Variants in B3GALNT2 observed in about 807,000 individuals in gnomAD.
The protein encoded by B3GALNT2 is UDP-GalNAc:beta-1,3-N-acetylgalactosaminyltransferase 2.
In B3GALNT2, 53 loss-of-function variants were observed where a neutral mutation model predicts 61.1. The ratio of observed to expected loss-of-function variants is 0.87; its 90% CI spans 0.70 to 1.09. The LOEUF (loss-of-function observed/expected upper bound fraction) is 1.09. Ranked by LOEUF, B3GALNT2 falls within the 50% of genes least tolerant of loss-of-function variation. The probability of loss-of-function intolerance (pLI) is 0.00; values close to 1 mark genes in which losing one functional copy is unlikely to be tolerated. For synonymous variants in B3GALNT2, 223 were observed against 237.4 expected (o/e 0.94, Z 0.56); for missense variants, 544 against 623.0 (o/e 0.87, Z 1.35).
rs114483629 is a variant in B3GALNT2 at position 235,470,524 on chromosome 1, G to A, written c.762+326C>T. ...AGCCAGGAGGTGGAGGCTGCAGTGAGCTGTGATCGTGCTAGTGCACCCCAG... is the reference window on the plus strand; with the variant it reads ...AGCCAGGAGGTGGAGGCTGCAGTGAACTGTGATCGTGCTAGTGCACCCCAG... On this transcript the variant is annotated intron_variant, in intron 6 of 11. Coordinates refer to ENST00000366600, the MANE Select transcript of B3GALNT2 (RefSeq NM_152490.5). Among the ~76,000 whole-genome samples the A allele has an allele frequency of 5.8e-3, 856 of 147,678 alleles. 8 individuals carry two copies. The highest frequency in any genetic ancestry group is 0.021 in the African/African-American group (826 of 39,604).
intron 5 of B3GALNT2, 110 bp downstream of exon 5, chr1:235,479,944 T>C: frequency 4.0e-6 from 6 of 1,492,950 alleles, no homozygotes; most frequent in Non-Finnish European, 4.5e-6. Flanking sequence ...TCTATCACTC[T>C]GGAGTGCTGC....
Position 235,489,200 on chromosome 1 carries a change from T to C in B3GALNT2, c.329A>G (p.Tyr110Cys). Residue 110 changes from tyrosine to cysteine, a missense_variant, in exon 3 of 12, where the codon TAT becomes TGT. Transcript: ENST00000366600. Reference sequence around the variant, plus strand: ...TGTGATGTTGAGTAGTTTACAGGAATAAGGATCCTCCCTGTCTTCCACAGG... The same window carrying C: ...TGTGATGTTGAGTAGTTTACAGGAACAAGGATCCTCCCTGTCTTCCACAGG... Reference protein sequence around the residue: ...EVPVEDREDPYSCKLLNITNP... With the variant: ...EVPVEDREDPCSCKLLNITNP... The C allele has an allele frequency of 6.2e-7, 1 of 1,614,060 alleles. No individual in the cohort carries two copies. Among genetic ancestry groups the C allele is most frequent in the Non-Finnish European group, 8.5e-7 (1 of 1,179,966 alleles).
the B3GALNT2 span, chr1:235,441,336 G>GC: frequency 4.6e-6 from 1 of 216,802 alleles, no homozygotes; most frequent in Non-Finnish European, 9.2e-6. Context: ...GCCTGGCACT[G>GC]CACGGTCTGG....
At chr1:235,453,034 A>G (rs1682999354) in intron 11 of B3GALNT2, 56 bp downstream of exon 11, 1 of 1,453,300 alleles carries the variant, frequency 6.9e-7, no homozygotes, top group Non-Finnish European at 9.6e-7. Context: ...CAACCTGTAT[A>G]TAGAAATCCA....
At chr1:235,485,382 T>C (rs1490519734) in intron 3 of B3GALNT2, among the ~76,000 whole-genome samples, 1 of 152,226 alleles carries the variant, frequency 6.6e-6, no homozygotes, top group Non-Finnish European at 1.5e-5. Context: ...GGCATGAACA[T>C]GGCTTATTGC....
chr1:235,453,308 A>T (rs551368233), intron 10 of B3GALNT2, among the ~76,000 whole-genome samples, 162 bp from the exon 11 acceptor site: 6 of 152,298 alleles, frequency 3.9e-5, no homozygotes, highest in African/African-American at 1.4e-4. Context: ...AGTCAAAGCT[A>T]GTGGTCTTTA....
the B3GALNT2 span, among the ~76,000 whole-genome samples, chr1:235,440,394 A>G: frequency 6.6e-6 from 1 of 151,628 alleles, no homozygotes; most frequent in East Asian, 2.0e-4. Flanking sequence ...GCATCCGTAT[A>G]TATATATATT....
intron 5 of B3GALNT2, among the ~76,000 whole-genome samples, chr1:235,476,623 G>A (rs1053982745): frequency 1.3e-5 from 2 of 152,164 alleles, no homozygotes; most frequent in Admixed American, 6.5e-5. Flanking sequence ...GCCAAGGTAG[G>A]TGGATCACCT....
At chr1:235,487,771 G>A (rs1239087331) in intron 3 of B3GALNT2, among the ~76,000 whole-genome samples, 1 of 152,108 alleles carries the variant, frequency 6.6e-6, no homozygotes, top group South Asian at 2.1e-4. Context: ...AACCTAGTTA[G>A]GATCAGCTTT....
In B3GALNT2 at chr1:235,448,465, G is replaced by GTCAAAGTCAAGCT; in HGVS notation, c.*1728_*1740dup. On this transcript the variant is annotated 3_prime_UTR_variant, in exon 12 of 12. Coordinates refer to ENST00000366600, the MANE Select transcript of B3GALNT2 (RefSeq NM_152490.5). ...AGTAAGTTGCCCAGCAAAATACAAA[G>GTCAAAGTCAAGCT]TCAAAGTCAAGCTTAGTCCTCGTAT... 1 of 1,606,266 alleles carries GTCAAAGTCAAGCT rather than the reference G, an allele frequency of 6.2e-7. No homozygotes were observed. The highest frequency in any genetic ancestry group is 8.5e-7 in the Non-Finnish European group (1 of 1,172,968).
intron 4 of B3GALNT2, among the ~76,000 whole-genome samples, chr1:235,480,673 G>C (rs1465153942): frequency 2.0e-5 from 3 of 151,990 alleles, no homozygotes; most frequent in Non-Finnish European, 4.4e-5. Flanking sequence ...GGGAGGCTGA[G>C]GCAGGCAGAT....
chr1:235,450,095 A>T lies in B3GALNT2; in HGVS notation c.*111T>A. On this transcript the variant is annotated 3_prime_UTR_variant, in exon 12 of 12. Coordinates refer to ENST00000366600, the MANE Select transcript of B3GALNT2 (RefSeq NM_152490.5). ...TTCTGGGTGAAAGTGCCAGTCTGGA[A>T]CTCTCTTGAAAGACCATACAGTCTA... 7.5e-7 allele frequency: 1 copy of T among 1,329,582 alleles called. No homozygotes were observed. Among genetic ancestry groups the T allele is most frequent in the Non-Finnish European group, 1.0e-6 (1 of 954,836 alleles). The allele number at this position is 1,329,582 out of a possible 1,614,324, so 82.4% of individuals were successfully genotyped here.
At position 235,481,636 on chromosome 1, in the gene B3GALNT2, G is replaced by A. The variant is rs180920515; in HGVS notation, c.556-1487C>T. On this transcript the variant is annotated intron_variant, in intron 4 of 11. Coordinates refer to ENST00000366600, the MANE Select transcript of B3GALNT2 (RefSeq NM_152490.5). ...TGGGATTACAGGCGTGAGCCATTGC[G>A]CCTGGCTGATAGTTTTTTTTTTAAA... Among the ~76,000 whole-genome samples the A allele has an allele frequency of 1.8e-3, 273 of 152,080 alleles. 5 individuals are homozygous for A. The highest frequency in any genetic ancestry group is 3.4e-3 in the Middle Eastern group (1 of 294).
intron 5 of B3GALNT2, among the ~76,000 whole-genome samples, chr1:235,473,225 T>G (rs529466016): frequency 1.3e-5 from 2 of 152,354 alleles, no homozygotes; most frequent in Admixed American, 1.3e-4. Flanking sequence ...CCTTCCTTTC[T>G]TTCCTTTTTT....
intron 7 of B3GALNT2, among the ~76,000 whole-genome samples, chr1:235,459,138 C>A (rs1683300320): frequency 1.3e-5 from 2 of 148,872 alleles, no homozygotes; most frequent in Admixed American, 1.3e-4. Context: ...CCTAAATGTC[C>A]ACTGAGAGAA....
chr1:235,458,603 CA>C lies in B3GALNT2; in HGVS notation c.1024del (p.Trp342GlyfsTer12). 3 of 1,585,604 alleles carry C rather than the reference CA, an allele frequency of 1.9e-6. No individual in the cohort carries two copies. The highest frequency in any genetic ancestry group is 2.6e-6 in the Non-Finnish European group (3 of 1,170,764). On this transcript the variant is annotated frameshift_variant and splice_region_variant, in exon 8 of 12. Transcript: ENST00000366600. LOFTEE classifies it high-confidence loss of function. ...GCTACCCAACATTTTTACAACCTAC[CA>C]TCTATAGAAGTTCAATAATTTTGCA... ...VPAKLLNFYR[W>X]TVETTSFNLL...
At chr1:235,475,945 C>G (rs1684256706) in intron 5 of B3GALNT2, among the ~76,000 whole-genome samples, 1 of 152,140 alleles carries the variant, frequency 6.6e-6, no homozygotes, top group Non-Finnish European at 1.5e-5. Context: ...CCGCCTCGGC[C>G]TCCCAAAGTG....
intron 7 of B3GALNT2, chr1:235,465,073 A>C (rs1683619542): frequency 1.3e-5 from 2 of 152,326 alleles, no homozygotes; most frequent in South Asian, 4.1e-4. Context: ...ACTCCTAGAC[A>C]TTTAAGAGAA....
chr1:235,453,132 G>C lies in B3GALNT2; in HGVS notation c.1326C>G (p.Ser442Arg), dbSNP rs1011621947. 1.2e-6 allele frequency: 2 copies of C among 1,612,644 alleles called. No homozygotes were observed. The highest frequency in any genetic ancestry group is 8.5e-7 in the Non-Finnish European group (1 of 1,178,704). The change falls in exon 11 of 12, where the codon AGC becomes AGG. Residue 442 changes from serine (S) to arginine (R), a missense_variant. Coordinates refer to ENST00000366600, the MANE Select transcript of B3GALNT2 (RefSeq NM_152490.5). Reference protein sequence around the residue: ...RLKTYQGEDVSMGIWMAAIGP... With the variant: ...RLKTYQGEDVRMGIWMAAIGP... ...CTATGGCAGCCATCCAGATGCCCATGCTTACATCTTCACCCTATACATGGC... is the reference window on the plus strand; with the variant it reads ...CTATGGCAGCCATCCAGATGCCCATCCTTACATCTTCACCCTATACATGGC...
Sources: gnomAD v4.1 joint callset for allele counts (sites outside exome capture counted in the v4.1 genomes callset) on GRCh38, gnomAD v4.1.1 for gene constraint, MANE v1.5 for transcripts, NCBI Gene and HGNC (gene_info 2026-07-23, HGNC 2026-07-21) for gene names.